LRRTM4: variants seen among roughly 807,000 people sequenced by gnomAD.
LRRTM4 encodes the protein leucine-rich repeat transmembrane neuronal protein 4.
A neutral mutation model predicts 47.6 loss-of-function variants in LRRTM4; 25 were observed. That is an observed-to-expected ratio of 0.53 (90% CI 0.38 to 0.73). The LOEUF is 0.73. LRRTM4 is among the 30% of genes least tolerant of loss of function. LRRTM4 has a pLI of 0.00. For missense variants in LRRTM4, 638 were observed against 713.4 expected (o/e 0.89, Z 1.20); for synonymous variants, 311 against 269.5 (o/e 1.15, Z -1.51).
intron 3 of LRRTM4, among the ~76,000 whole-genome samples, chr2:77,214,646 T>A (rs1417332437): frequency 2.0e-5 from 3 of 152,054 alleles, no homozygotes; most frequent in African/African-American, 7.2e-5. Flanking sequence ...AACCTTTCCT[T>A]AAGTACAATA....
At chr2:76,865,952 A>G (rs1462945067) in intron 3 of LRRTM4, among the ~76,000 whole-genome samples, 1 of 152,216 alleles carries the variant, frequency 6.6e-6, no homozygotes, top group Non-Finnish European at 1.5e-5. Flanking sequence ...GAAATAATCT[A>G]AATTATTTTT....
At chr2:76,920,745 A>C (rs62170328) in intron 3 of LRRTM4, among the ~76,000 whole-genome samples, 85 of 151,990 alleles carry the variant, frequency 5.6e-4, no homozygotes, top group Non-Finnish European at 9.3e-4. Flanking sequence ...CTTATAGTGC[A>C]TGGTAGATTC....
chr2:77,437,881 G>C (rs948592584), intron 3 of LRRTM4, among the ~76,000 whole-genome samples: 6 of 152,150 alleles, frequency 3.9e-5, no homozygotes, highest in Non-Finnish European at 5.9e-5. Context: ...GAGGAGGAAT[G>C]AGTAGGGATG....
intron 3 of LRRTM4, among the ~76,000 whole-genome samples, chr2:77,412,868 A>G (rs1674496177): frequency 6.6e-6 from 1 of 152,152 alleles, no homozygotes; most frequent in African/African-American, 2.4e-5. Context: ...AATTTTTGTG[A>G]CTCAGTTTTT....
chr2:76,926,289 G>A (rs1364570951), intron 3 of LRRTM4, among the ~76,000 whole-genome samples: 1 of 148,848 alleles, frequency 6.7e-6, no homozygotes, highest in Admixed American at 6.6e-5. Flanking sequence ...ACAATAAATT[G>A]TCTTACAAAG....
intron 3 of LRRTM4, among the ~76,000 whole-genome samples, chr2:77,047,484 G>A (rs556432462): frequency 6.6e-6 from 1 of 151,996 alleles, no homozygotes; most frequent in African/African-American, 2.4e-5. Flanking sequence ...GCTGTTCTAC[G>A]CCCCTCCGTG....
At chr2:77,008,948 A>G (rs1422572838) in intron 3 of LRRTM4, 2 of 91,592 alleles carry the variant, frequency 2.2e-5, no homozygotes, top group African/African-American at 1.1e-4. Flanking sequence ...GAAAAAAAAG[A>G]AAAGAAAAAA....
intron 3 of LRRTM4, among the ~76,000 whole-genome samples, chr2:77,194,941 GA>G (rs1404842183): frequency 1.3e-5 from 2 of 151,668 alleles, no homozygotes; most frequent in Non-Finnish European, 2.9e-5. Context: ...TATTTTGTAA[GA>G]ATGTCAATTA....
intron 3 of LRRTM4, among the ~76,000 whole-genome samples, chr2:76,983,057 A>G (rs1289759436): frequency 1.3e-5 from 2 of 152,016 alleles, no homozygotes; most frequent in Non-Finnish European, 2.9e-5. Context: ...CACTATAAAT[A>G]TTGTGTCCTT....
intron 3 of LRRTM4, among the ~76,000 whole-genome samples, chr2:76,981,779 A>C (rs1219542167): frequency 6.6e-6 from 1 of 152,064 alleles, no homozygotes; most frequent in Non-Finnish European, 1.5e-5. Context: ...GGCAGGAGCC[A>C]CAGCACCAGG....
intron 3 of LRRTM4, among the ~76,000 whole-genome samples, chr2:76,992,450 T>A (rs1386666999): frequency 6.6e-6 from 1 of 151,590 alleles, no homozygotes; most frequent in Non-Finnish European, 1.5e-5. Context: ...GATACAAAAT[T>A]AATGTAAAAA....
At chr2:77,401,058 T>C (rs1356285155) in intron 3 of LRRTM4, among the ~76,000 whole-genome samples, 1 of 151,984 alleles carries the variant, frequency 6.6e-6, no homozygotes, top group African/African-American at 2.4e-5. Context: ...AGCGACTATA[T>C]GGTTCACAAA....
intron 3 of LRRTM4, among the ~76,000 whole-genome samples, chr2:77,370,293 A>T (rs893321984): frequency 1.3e-5 from 2 of 151,856 alleles, no homozygotes; most frequent in African/African-American, 4.8e-5. Flanking sequence ...GAATCAAAAA[A>T]AGAAGTTAAT....
chr2:77,056,749 A>T (rs1444216404), intron 3 of LRRTM4, among the ~76,000 whole-genome samples: 1 of 152,160 alleles, frequency 6.6e-6, no homozygotes, highest in East Asian at 1.9e-4. Context: ...GAAAAAAGAA[A>T]TTCAAAGCAT....
chr2:76,801,704 C>T (rs1366613210), intron 3 of LRRTM4, among the ~76,000 whole-genome samples: 3 of 151,676 alleles, frequency 2.0e-5, no homozygotes, highest in African/African-American at 7.3e-5. Context: ...CCCTGGTGAA[C>T]ATGTATGAAA....
At position 76,903,140 on chromosome 2, in the gene LRRTM4, G is replaced by C. The variant is rs185935768; in HGVS notation, c.1552-154224C>G. On this transcript the variant is annotated intron_variant, in intron 3 of 3. Coordinates refer to ENST00000409884, the MANE Select transcript of LRRTM4 (RefSeq NM_001134745.3). ...TAATTCCAGCACTTTGGGAGGCCAA[G>C]GTGGGTGGATCAAGAGGTCAGGAGA... is the stretch of plus-strand genomic sequence containing the variant. Among the ~76,000 whole-genome samples the C allele has an allele frequency of 1.4e-4, 21 of 152,270 alleles. No individual in the cohort carries two copies. In the East Asian group the frequency reaches 3.5e-3, roughly 25 times the overall value.
At chr2:76,896,585 A>G (rs942131932) in intron 3 of LRRTM4, among the ~76,000 whole-genome samples, 27 of 152,116 alleles carry the variant, frequency 1.8e-4, no homozygotes, top group African/African-American at 6.5e-4. Flanking sequence ...GTTCAAAGTT[A>G]CAGGCTACTT....
chr2:77,432,152 A>G (rs1675403880), intron 3 of LRRTM4, among the ~76,000 whole-genome samples: 2 of 152,212 alleles, frequency 1.3e-5, no homozygotes, highest in African/African-American at 4.8e-5. Flanking sequence ...AGACAACATT[A>G]TATCTTAAAG....
At position 76,790,727 on chromosome 2, in the gene LRRTM4, A is replaced by C. The variant is rs1050101068; in HGVS notation, c.1552-41811T>G. 7.3e-5 allele frequency among the ~76,000 whole-genome samples: 11 copies of C among 150,822 alleles called. No homozygotes were observed. The Admixed American group carries it at 7.3e-4, about 10-fold the overall frequency. ...CCCCCCCACCACCTCAGTGAAATTT[A>C]ACAGGCAAAATGTCAGTATCTTCCA... On this transcript the variant is annotated intron_variant, in intron 3 of 3. Coordinates refer to ENST00000409884, the MANE Select transcript of LRRTM4 (RefSeq NM_001134745.3).
Sources: gnomAD v4.1 joint callset for allele counts (sites outside exome capture counted in the v4.1 genomes callset) on GRCh38, gnomAD v4.1.1 for gene constraint, MANE v1.5 for transcripts, NCBI Gene and HGNC (gene_info 2026-07-23, HGNC 2026-07-21) for gene names.